The following TNS1 variants were observed in gnomAD, a reference collection of about 807,000 sequenced individuals.
TNS1 encodes the protein tensin 1.
Under a neutral mutation model 168.6 loss-of-function variants are expected in TNS1, and 62 were observed. The ratio of observed to expected loss-of-function variants is 0.37; its 90% CI spans 0.30 to 0.45. The LOEUF is 0.45. Ranked by LOEUF, TNS1 falls within the 20% of genes least tolerant of loss-of-function variation. TNS1 has a pLI of 1.00. For synonymous variants in TNS1, 934 were observed against 933.2 expected (o/e 1.00, Z -0.02); for missense variants, 2,240 against 2,339.4 (o/e 0.96, Z 0.88).
rs143164891 is a variant in TNS1 at position 217,948,535 on chromosome 2, C to T, written c.187-28299G>A. ...GCATTTGAGCTGTACCTTCCCTCTTCTGACCATGCCCTCCCCGCTACAGCT... is the reference window on the plus strand; with the variant it reads ...GCATTTGAGCTGTACCTTCCCTCTTTTGACCATGCCCTCCCCGCTACAGCT... On this transcript the variant is annotated intron_variant, in intron 3 of 32. Coordinates refer to ENST00000682258, the MANE Select transcript of TNS1 (RefSeq NM_001387777.1). The surrounding 1 kb of genome is among the most constrained non-coding windows in gnomAD (Gnocchi z 4.1). Among the ~76,000 whole-genome samples, 1,023 of 152,288 alleles carry T rather than the reference C, an allele frequency of 6.7e-3. 11 individuals carry two copies. The highest frequency in any genetic ancestry group is 0.024 in the African/African-American group (977 of 41,550).
chr2:217,926,161 G>A (rs1032553041), intron 3 of TNS1, among the ~76,000 whole-genome samples: 1 of 152,150 alleles, frequency 6.6e-6, no homozygotes, highest in African/African-American at 2.4e-5. Flanking sequence ...AAGAAGAGAG[G>A]TCTCAGGAGA....
chr2:218,019,688 G>C (rs1318248744), intron 1 of TNS1, among the ~76,000 whole-genome samples: 1 of 152,182 alleles, frequency 6.6e-6, no homozygotes, highest in Non-Finnish European at 1.5e-5. Flanking sequence ...GTTGATGAAA[G>C]GAAGAAGGGA....
intron 1 of TNS1, among the ~76,000 whole-genome samples, chr2:218,022,800 G>A (rs1201383399): frequency 2.7e-5 from 4 of 149,332 alleles, no homozygotes; most frequent in Non-Finnish European, 5.9e-5. Flanking sequence ...GTTAGGGGTG[G>A]CAGAGATGGG....
rs563278440 is a variant in TNS1 at position 217,965,281 on chromosome 2, T to C, written c.186+13484A>G. Among the ~76,000 whole-genome samples, 20 of 152,262 alleles carry C rather than the reference T, an allele frequency of 1.3e-4. No homozygotes were observed. In the South Asian group the frequency reaches 3.3e-3, roughly 25 times the overall value. ...ACATGCCAGGATTTTACCTACATTC[T>C]CTCTAATCCTCCCACCAACCTTGCA... On this transcript the variant is annotated intron_variant, in intron 3 of 32. Coordinates refer to ENST00000682258, the MANE Select transcript of TNS1 (RefSeq NM_001387777.1).
At chr2:217,861,936 C>T (rs572051586) in intron 18 of TNS1, among the ~76,000 whole-genome samples, 7 of 152,300 alleles carry the variant, frequency 4.6e-5, no homozygotes, top group Non-Finnish European at 1.0e-4. Context: ...ACAATTTGGC[C>T]CACCCGATCT....
At chr2:218,030,773 C>A (rs1293966646) in intron 1 of TNS1, among the ~76,000 whole-genome samples, 1 of 152,136 alleles carries the variant, frequency 6.6e-6, no homozygotes, top group Admixed American at 6.5e-5. Flanking sequence ...TTGAAATACA[C>A]GGGGTGGATA....
chr2:217,922,800 C>A lies in TNS1; in HGVS notation c.187-2564G>T, dbSNP rs78914743. ...GAGCTGTCAAGCCCCAGCCCAAGGG[C>A]CTGATGCCTTGGTGCCCCCTCGTGG... On this transcript the variant is annotated intron_variant, in intron 3 of 32. Transcript: ENST00000682258. Among the ~76,000 whole-genome samples, 62 of 152,342 alleles carry A rather than the reference C, an allele frequency of 4.1e-4. 1 individual carries two copies. The East Asian group carries it at 0.012, about 29-fold the overall frequency.
intron 3 of TNS1, among the ~76,000 whole-genome samples, chr2:217,940,394 C>T (rs1191384655): frequency 6.6e-6 from 1 of 152,224 alleles, no homozygotes; most frequent in East Asian, 1.9e-4. Context: ...GGCTCCAGAA[C>T]TGAGCCAAGA....
intron 12 of TNS1, among the ~76,000 whole-genome samples, chr2:217,889,665 C>T (rs907494761): frequency 6.6e-6 from 1 of 152,254 alleles, no homozygotes; most frequent in Non-Finnish European, 1.5e-5. Context: ...CTTTTCTTTG[C>T]AGCTCTCATG....
At chr2:217,861,453 G>A (rs1362537178) in intron 18 of TNS1, among the ~76,000 whole-genome samples, 3 of 152,168 alleles carry the variant, frequency 2.0e-5, no homozygotes, top group Admixed American at 6.5e-5. Context: ...CCATGTGGGC[G>A]CTCTGACTTA....
intron 1 of TNS1, among the ~76,000 whole-genome samples, chr2:217,996,221 G>T (rs749295613): frequency 6.6e-6 from 1 of 152,194 alleles, no homozygotes; most frequent in Non-Finnish European, 1.5e-5. Flanking sequence ...TGGATGATGT[G>T]GGGAGAGGGC....
At chr2:217,890,822 C>A in intron 12 of TNS1, 140 bp downstream of exon 12, 1 of 829,270 alleles carries the variant, frequency 1.2e-6, no homozygotes, top group South Asian at 1.6e-5. Context: ...CACACCACTG[C>A]AGGCTGGCAT....
intron 1 of TNS1, among the ~76,000 whole-genome samples, chr2:218,029,508 A>G (rs1291101386): frequency 1.3e-5 from 2 of 152,244 alleles, no homozygotes; most frequent in African/African-American, 4.8e-5. Context: ...AATGACTCGA[A>G]CGCCTGTCAA....
intron 1 of TNS1, among the ~76,000 whole-genome samples, chr2:218,018,694 G>A (rs2106007171): frequency 6.6e-6 from 1 of 152,328 alleles, no homozygotes; most frequent in African/African-American, 2.4e-5. Flanking sequence ...AAGCAACTGG[G>A]GAACAGGAAG....
At chr2:217,994,061 G>A (rs1430670491) in intron 1 of TNS1, among the ~76,000 whole-genome samples, 2 of 152,232 alleles carry the variant, frequency 1.3e-5, no homozygotes, top group East Asian at 1.9e-4. Context: ...GGTCAGGGAG[G>A]CCTCTGAGGG....
chr2:217,901,718 C>G (rs559778205), intron 6 of TNS1: 1 of 152,348 alleles, frequency 6.6e-6, no homozygotes, highest in African/African-American at 2.4e-5. Flanking sequence ...ACCCTCAAGT[C>G]CCTGGGAAGT....
chr2:217,832,620 C>G (rs1232489002), intron 21 of TNS1, among the ~76,000 whole-genome samples: 2 of 152,336 alleles, frequency 1.3e-5, no homozygotes, highest in South Asian at 4.1e-4. Flanking sequence ...CCTGCCCCTG[C>G]TGCTTTCCCC....
chr2:217,987,255 C>T (rs1958219467), intron 2 of TNS1, among the ~76,000 whole-genome samples: 1 of 152,160 alleles, frequency 6.6e-6, no homozygotes. Flanking sequence ...GCACACAGAA[C>T]CTCAATGCTC....
At chr2:217,897,218 G>A (rs982743190) in intron 8 of TNS1, among the ~76,000 whole-genome samples, 20 of 152,178 alleles carry the variant, frequency 1.3e-4, no homozygotes, top group Admixed American at 1.2e-3. Flanking sequence ...TTCTGCGTTA[G>A]TGGAGACCAC....
Sources: allele counts gnomAD v4.1 joint callset (sites outside exome capture counted in the v4.1 genomes callset), GRCh38; gene constraint gnomAD v4.1.1; non-coding constraint Gnocchi (gnomAD v3.1); transcripts MANE v1.5; gene names NCBI Gene and HGNC (gene_info 2026-07-23, HGNC 2026-07-21).